The following CLSTN3 variants were observed in gnomAD, a reference collection of about 807,000 sequenced individuals.
CLSTN3 encodes the protein calsyntenin-3.
CLSTN3 carries 36 observed loss-of-function variants against 95.9 expected under a neutral mutation model. The ratio of observed to expected loss-of-function variants is 0.38; its 90% CI spans 0.29 to 0.50. CLSTN3 has a LOEUF of 0.50. Among genes scored for constraint, CLSTN3 ranks in the 20% least tolerant of loss-of-function variants. The pLI is 0.95. For missense variants in CLSTN3, 1,084 were observed against 1,268.8 expected (o/e 0.85, Z 2.21); for synonymous variants, 481 against 504.0 (o/e 0.95, Z 0.61).
chr12:7,145,051 T>A (rs1939601344), intron 12 of CLSTN3, among the ~76,000 whole-genome samples: 1 of 152,190 alleles, frequency 6.6e-6, no homozygotes, highest in Non-Finnish European at 1.5e-5. Flanking sequence ...TGAGGAGCCA[T>A]GGCAGAAGGG....
In CLSTN3 at chr12:7,135,394, C is replaced by G; in HGVS notation, c.451C>G (p.Arg151Gly). Residue 151 changes from arginine to glycine, a missense_variant, in exon 4 of 18, where the codon CGT (arginine) becomes GGT (glycine). Coordinates refer to ENST00000266546, the MANE Select transcript of CLSTN3 (RefSeq NM_014718.4). ...CCCAGTGTTTGTGGAACGGCTGTAT[C>G]GTGCGGCTGTGACAGAGGGGAAGCT... is the stretch of plus-strand genomic sequence containing the variant. ...FAPVFVERLY[R>G]AAVTEGKLYD... is the part of the protein sequence containing the mutation. 1 of 1,614,154 alleles carries G rather than the reference C, an allele frequency of 6.2e-7. No individual in the cohort carries two copies. The highest frequency in any genetic ancestry group is 8.5e-7 in the Non-Finnish European group (1 of 1,180,016).
intron 1 of CLSTN3, chr12:7,131,649 A>G: frequency 2.5e-6 from 1 of 392,826 alleles, no homozygotes; most frequent in South Asian, 1.9e-5. Flanking sequence ...AGACCTGGGA[A>G]GACAAGCAGG....
rs1376956439 is a variant in CLSTN3, at chr12:7,157,192, A to G, written c.2528-297A>G. ...TCCTCTGCGAATAGGGCTGTTCATGACAGTGTTGGGCAGGGAGTCTTTTTC... is the reference window on the plus strand; with the variant it reads ...TCCTCTGCGAATAGGGCTGTTCATGGCAGTGTTGGGCAGGGAGTCTTTTTC... On this transcript the variant is annotated intron_variant, in intron 16 of 17. Transcript: ENST00000266546. This position sits in a 1 kb window ranked among gnomAD's most constrained non-coding sequence, Gnocchi z 5.9. Among the ~76,000 whole-genome samples, 2 of 152,096 alleles carry G rather than the reference A, an allele frequency of 1.3e-5. No individual in the cohort carries two copies. The highest frequency in any genetic ancestry group is 2.9e-5 in the Non-Finnish European group (2 of 67,996).
chr12:7,140,478 A>G (rs1939507017), intron 8 of CLSTN3, among the ~76,000 whole-genome samples: 1 of 152,122 alleles, frequency 6.6e-6, no homozygotes, highest in Admixed American at 6.5e-5. Context: ...AAGAGGGCCT[A>G]GGTCTGAGCC....
chr12:7,158,312 C>T lies in CLSTN3; in HGVS notation c.*231C>T, dbSNP rs1041095512. 6.6e-6 allele frequency: 3 copies of T among 452,348 alleles called. No homozygotes were observed. The highest frequency in any genetic ancestry group is 1.2e-5 in the Non-Finnish European group (3 of 258,648). The allele number at this position is 452,348 out of a possible 1,614,324, so 28.0% of individuals were successfully genotyped here. The stretch of plus-strand genomic sequence containing the variant: ...TCATGCTCCTGGTGTGCCCCTTGCA[C>T]TGGGGCTGGCTGGGTTGGAAAGTGG... On this transcript the variant is annotated 3_prime_UTR_variant, in exon 18 of 18. Transcript: ENST00000266546.
chr12:7,144,654 T>C (rs185629780), intron 12 of CLSTN3, among the ~76,000 whole-genome samples: 128 of 152,348 alleles, frequency 8.4e-4, no homozygotes, highest in African/African-American at 2.5e-3. Flanking sequence ...TTAGGATTTC[T>C]GCGTTCCAAT....
chr12:7,143,186 C>A lies in CLSTN3; in HGVS notation c.1722C>A (p.Ser574=), dbSNP rs1460019410. The change falls in exon 12 of 18, where the codon TCC becomes TCA. Residue 574 remains serine, a synonymous_variant. Transcript: ENST00000266546. ...AGGTCCACGTGAACCCCTCACAGTCCCTGCTCACCCTGGAGGGGGATGATG... is the reference window on the plus strand; with the variant it reads ...AGGTCCACGTGAACCCCTCACAGTCACTGCTCACCCTGGAGGGGGATGATG... The part of the protein sequence containing the change: ...GMKVHVNPSQ[S]LLTLEGDDVE... 6.2e-7 allele frequency: 1 copy of A among 1,613,820 alleles called. No individual in the cohort carries two copies. Among genetic ancestry groups the A allele is most frequent in the East Asian group, 2.2e-5 (1 of 44,890 alleles).
In CLSTN3 at chr12:7,137,948, C is replaced by T. The variant is rs780939894; in HGVS notation, c.1211-7C>T. 1.2e-6 allele frequency: 2 copies of T among 1,610,930 alleles called. No homozygotes were observed. The highest frequency in any genetic ancestry group is 1.7e-5 in the Admixed American group (1 of 59,968). ...CACTTGACCCCATCCCCTTCCTGTG[C>T]CCTCAGAGGACGGCTTCTCTCACTA... On this transcript the variant is annotated splice_region_variant and splice_polypyrimidine_tract_variant and intron_variant, in intron 7 of 17. Coordinates refer to ENST00000266546, the MANE Select transcript of CLSTN3 (RefSeq NM_014718.4). This position sits in a 1 kb window ranked among gnomAD's most constrained non-coding sequence, Gnocchi z 4.4.
chr12:7,130,361 T>G, upstream of CLSTN3: 4 of 1,291,756 alleles, frequency 3.1e-6, no homozygotes, highest in East Asian at 3.7e-5. Flanking sequence ...TGCCCGGCTG[T>G]GCTGACGTCA....
chr12:7,143,451 T>C (rs904058863), intron 12 of CLSTN3, 140 bp downstream of exon 12: 2 of 900,380 alleles, frequency 2.2e-6, no homozygotes, highest in Admixed American at 2.8e-5. Context: ...ATGGAGACAA[T>C]TGACCACTGA....
Position 7,137,030 on chromosome 12 carries a change from C to G in CLSTN3, c.1130C>G (p.Ser377Cys). ...AGCCTCAGTGACCACTTCACCCTGT[C>G]CTTCTGGATGAAGCATGGCGTAACT... The part of the protein sequence containing the change: ...QDSLSDHFTL[S>C]FWMKHGVTPN... Residue 377 changes from serine to cysteine, a missense_variant, in exon 7 of 18, where the codon TCC becomes TGC. Ser to Cys is a moderately radical substitution (Grantham distance 112). Transcript: ENST00000266546. The surrounding 1 kb of genome is among the most constrained non-coding windows in gnomAD (Gnocchi z 4.4). 1 of 1,614,200 alleles carries G rather than the reference C, an allele frequency of 6.2e-7. No homozygotes were observed. The highest frequency in any genetic ancestry group is 1.1e-5 in the South Asian group (1 of 91,082).
chr12:7,134,354 C>T (rs1038120422), intron 3 of CLSTN3, among the ~76,000 whole-genome samples: 1 of 152,220 alleles, frequency 6.6e-6, no homozygotes, highest in Non-Finnish European at 1.5e-5. Flanking sequence ...GTCTGGGACA[C>T]CTACGCTTGT....
At chr12:7,132,746 G>A in intron 1 of CLSTN3, 2 of 595,532 alleles carry the variant, frequency 3.4e-6, no homozygotes, top group South Asian at 4.1e-5. Context: ...TGGTTCCCAT[G>A]GAGATAGTGA....
At chr12:7,131,382 A>G (rs970253748) in intron 1 of CLSTN3, 1 of 216,818 alleles carries the variant, frequency 4.6e-6, no homozygotes. Context: ...GGAGACTGGC[A>G]GGAAAGGGCA....
intron 16 of CLSTN3, chr12:7,155,813 G>A (rs1262968485): frequency 5.5e-6 from 1 of 183,096 alleles, no homozygotes; most frequent in Admixed American, 5.5e-5. Flanking sequence ...GGACCAACTT[G>A]GCAGACAGCC....
chr12:7,129,573 T>C (rs1939239279), upstream of CLSTN3: 2 of 976,984 alleles, frequency 2.0e-6, no homozygotes, highest in South Asian at 4.7e-5. This position sits in a 1 kb window ranked among gnomAD's most constrained non-coding sequence, Gnocchi z 5.5. Context: ...TCTCTCCCTC[T>C]GAGTCATCGA....
intron 8 of CLSTN3, among the ~76,000 whole-genome samples, chr12:7,140,084 G>A (rs886736001): frequency 2.0e-5 from 3 of 152,158 alleles, no homozygotes; most frequent in Non-Finnish European, 4.4e-5. Context: ...CAATGGAGAC[G>A]GAGAGACCTG....
intron 16 of CLSTN3, chr12:7,156,660 T>C (rs1314863866): frequency 1.1e-5 from 5 of 456,766 alleles, no homozygotes; most frequent in South Asian, 7.7e-5. Flanking sequence ...TTCCTGAGCA[T>C]GTACCTGTGC....
intron 12 of CLSTN3, among the ~76,000 whole-genome samples, chr12:7,148,246 G>T (rs181900761): frequency 6.6e-6 from 1 of 152,102 alleles, no homozygotes; most frequent in East Asian, 1.9e-4. Context: ...ACTGGCAAGG[G>T]CTATTGATTG....
Sources: gnomAD v4.1 joint callset for allele counts (sites outside exome capture counted in the v4.1 genomes callset) on GRCh38, gnomAD v4.1.1 for gene constraint, Gnocchi (gnomAD v3.1) non-coding constraint, MANE v1.5 for transcripts, NCBI Gene and HGNC (gene_info 2026-07-23, HGNC 2026-07-21) for gene names.